The following CCDC85A variants were observed in gnomAD, a reference collection of about 807,000 sequenced individuals.
CCDC85A encodes the protein coiled-coil domain-containing protein 85A.
Under a neutral mutation model 50.2 loss-of-function variants are expected in CCDC85A, and 38 were observed. The ratio of observed to expected loss-of-function variants is 0.76; its 90% confidence interval spans 0.58 to 0.99. The LOEUF (loss-of-function observed/expected upper bound fraction) is 0.99, where lower values mean the gene tolerates loss of function less well. CCDC85A is among the 50% of genes least tolerant of loss of function. The probability of loss-of-function intolerance (pLI) is 0.00; values close to 1 mark genes in which losing one functional copy is unlikely to be tolerated. For missense variants in CCDC85A, 820 were observed against 742.0 expected (o/e 1.11, Z -1.22); for synonymous variants, 366 against 301.4 (o/e 1.21, Z -2.22).
intron 2 of CCDC85A, among the ~76,000 whole-genome samples, chr2:56,329,944 T>TG (rs1673687980): frequency 2.1e-5 from 2 of 93,708 alleles, no homozygotes; most frequent in South Asian, 3.6e-4. Flanking sequence ...ACAGATTTCC[T>TG]GTTTTTTTTT....
chr2:56,278,220 C>T (rs1341051403), intron 2 of CCDC85A, among the ~76,000 whole-genome samples: 1 of 152,088 alleles, frequency 6.6e-6, no homozygotes, highest in African/African-American at 2.4e-5. Flanking sequence ...CACTCTCCTC[C>T]CCTTTTTAAT....
intron 2 of CCDC85A, among the ~76,000 whole-genome samples, chr2:56,337,829 A>G (rs1264077896): frequency 1.3e-5 from 2 of 151,112 alleles, no homozygotes; most frequent in African/African-American, 4.9e-5. Context: ...CTGTCACCCA[A>G]GCTGGAGTGC....
chr2:56,241,504 A>G (rs1669258362), intron 2 of CCDC85A, among the ~76,000 whole-genome samples: 1 of 151,564 alleles, frequency 6.6e-6, no homozygotes, highest in Non-Finnish European at 1.5e-5. Flanking sequence ...TGGGCCTCTG[A>G]TACCCATTGT....
intron 2 of CCDC85A, among the ~76,000 whole-genome samples, chr2:56,323,074 C>T (rs1274195427): frequency 2.8e-4 from 42 of 152,036 alleles, no homozygotes; most frequent in Non-Finnish European, 3.8e-4. Context: ...TGTTCTCACT[C>T]ATAGGTGGGA....
chr2:56,223,044 G>A (rs1265257753), intron 2 of CCDC85A, among the ~76,000 whole-genome samples: 4 of 152,086 alleles, frequency 2.6e-5, no homozygotes, highest in Non-Finnish European at 5.9e-5. Context: ...TCTATTGGTA[G>A]GATATGAAAA....
At chr2:56,380,887 G>A (rs535797975) in intron 5 of CCDC85A, among the ~76,000 whole-genome samples, 2 of 152,124 alleles carry the variant, frequency 1.3e-5, no homozygotes, top group African/African-American at 4.8e-5. Context: ...ATTTTAATTG[G>A]CTTTACATTA....
chr2:56,294,228 G>A (rs1243982812), intron 2 of CCDC85A, among the ~76,000 whole-genome samples: 1 of 152,142 alleles, frequency 6.6e-6, no homozygotes, highest in Non-Finnish European at 1.5e-5. Context: ...ATAAGTGGGA[G>A]CTGAACAATG....
At chr2:56,197,076 G>C (rs1240362113) in intron 2 of CCDC85A, among the ~76,000 whole-genome samples, 1 of 152,184 alleles carries the variant, frequency 6.6e-6, no homozygotes, top group Non-Finnish European at 1.5e-5. Context: ...TGGTCTTGCT[G>C]AATGGAGTGT....
At chr2:56,185,477 C>G (rs988837719) in intron 1 of CCDC85A, among the ~76,000 whole-genome samples, 1 of 152,192 alleles carries the variant, frequency 6.6e-6, no homozygotes, top group African/African-American at 2.4e-5. Context: ...TCTCCCAATT[C>G]CTGTGCTTTC....
At chr2:56,222,208 A>G in intron 2 of CCDC85A, among the ~76,000 whole-genome samples, 1 of 152,220 alleles carries the variant, frequency 6.6e-6, no homozygotes, top group East Asian at 1.9e-4. Flanking sequence ...TAGGTGATGC[A>G]TTTTGCATTG....
At chr2:56,204,596 C>G (rs1464538819) in intron 2 of CCDC85A, among the ~76,000 whole-genome samples, 4 of 152,172 alleles carry the variant, frequency 2.6e-5, no homozygotes, top group Non-Finnish European at 5.9e-5. Flanking sequence ...ACCTGTATGT[C>G]TAATTGGCTT....
intron 3 of CCDC85A, among the ~76,000 whole-genome samples, chr2:56,351,776 C>T (rs1231333918): frequency 1.2e-4 from 18 of 151,330 alleles, no homozygotes; most frequent in African/African-American, 2.0e-4. Flanking sequence ...GAGTAGGTTG[C>T]GAAAATTTTC....
At chr2:56,382,342 TG>T (rs943289390) in intron 5 of CCDC85A, among the ~76,000 whole-genome samples, 1 of 152,008 alleles carries the variant, frequency 6.6e-6, no homozygotes. Flanking sequence ...ACAGAAGTTT[TG>T]CTGTCATTTC....
At chr2:56,279,143 G>T (rs1234101589) in intron 2 of CCDC85A, among the ~76,000 whole-genome samples, 1 of 152,166 alleles carries the variant, frequency 6.6e-6, no homozygotes, top group Non-Finnish European at 1.5e-5. Flanking sequence ...CTGTGAACTA[G>T]AAAGTTGACC....
intron 4 of CCDC85A, among the ~76,000 whole-genome samples, chr2:56,374,093 A>G (rs1281379886): frequency 6.6e-6 from 1 of 152,230 alleles, no homozygotes; most frequent in Non-Finnish European, 1.5e-5. Context: ...CCTTTCCCAC[A>G]GGGGATTGGG....
chr2:56,325,323 T>A (rs1021242146), intron 2 of CCDC85A, among the ~76,000 whole-genome samples: 3 of 152,092 alleles, frequency 2.0e-5, no homozygotes, highest in Admixed American at 6.6e-5. Context: ...TGTAGAGAAG[T>A]TTATTGTATT....
In CCDC85A at chr2:56,192,866, G is replaced by A. The variant is rs1326091665; in HGVS notation, c.666G>A (p.Pro222=). Residue 222 remains proline, a synonymous_variant, in exon 2 of 6, where the codon CCG becomes CCA. Coordinates refer to ENST00000407595, the MANE Select transcript of CCDC85A (RefSeq NM_001080433.2). The surrounding 1 kb of genome is among the most constrained non-coding windows in gnomAD (Gnocchi z 4.7). ...STSSTGSTDS[P]DHHKHHASSG... ...CCAGCACTGGCAGCACTGACAGCCC[G>A]GACCACCACAAGCACCACGCGAGCA... The A allele has an allele frequency of 5.6e-6, 9 of 1,612,924 alleles. No homozygotes were observed. The highest frequency in any genetic ancestry group is 7.6e-6 in the Non-Finnish European group (9 of 1,179,580).
At chr2:56,361,115 G>A (rs751768527) in intron 3 of CCDC85A, among the ~76,000 whole-genome samples, 2 of 152,168 alleles carry the variant, frequency 1.3e-5, no homozygotes, top group South Asian at 2.1e-4. Flanking sequence ...TTAGCCGGGC[G>A]TGGTGGCGGG....
chr2:56,273,357 A>G (rs1670781004), intron 2 of CCDC85A, among the ~76,000 whole-genome samples: 1 of 152,108 alleles, frequency 6.6e-6, no homozygotes, highest in African/African-American at 2.4e-5. Flanking sequence ...ATGGGAGGGG[A>G]AAGCCTAGCT....
Sources: gnomAD v4.1 joint callset for allele counts (sites outside exome capture counted in the v4.1 genomes callset) on GRCh38, gnomAD v4.1.1 for gene constraint, Gnocchi (gnomAD v3.1) non-coding constraint, MANE v1.5 for transcripts, NCBI Gene and HGNC (gene_info 2026-07-23, HGNC 2026-07-21) for gene names.